The following VIPAS39 variants were observed in gnomAD, a reference collection of about 807,000 sequenced individuals.
VIPAS39 encodes spermatogenesis-defective protein 39 homolog.
A neutral mutation model predicts 84.7 loss-of-function variants in VIPAS39; 63 were observed. That is an observed-to-expected ratio of 0.74 (90% confidence interval 0.61 to 0.92). The LOEUF (loss-of-function observed/expected upper bound fraction) is 0.92, where lower values mean the gene tolerates loss of function less well. Ranked by LOEUF, VIPAS39 falls within the 40% of genes least tolerant of loss-of-function variation. VIPAS39 has a pLI of 0.00. For synonymous variants in VIPAS39, 192 were observed against 216.5 expected (o/e 0.89, Z 0.99); for missense variants, 499 against 604.5 (o/e 0.83, Z 1.83).
At position 77,448,493 on chromosome 14, in the gene VIPAS39, C is replaced by T. The variant is rs777704231; in HGVS notation, c.504+1G>A. 2 of 1,614,040 alleles carry T rather than the reference C, an allele frequency of 1.2e-6. No individual in the cohort carries two copies. Among genetic ancestry groups the T allele is most frequent in the Non-Finnish European group, 1.7e-6 (2 of 1,180,014 alleles). ...ACCTCACAAAAATTCTCTGTCCTTACCTTGCCCTTCCGGAGACGTCGCACT... is the reference window on the plus strand; with the variant it reads ...ACCTCACAAAAATTCTCTGTCCTTATCTTGCCCTTCCGGAGACGTCGCACT... On this transcript the variant is annotated splice_donor_variant, in intron 7 of 19. Coordinates refer to ENST00000557658, the MANE Select transcript of VIPAS39 (RefSeq NM_001193315.2). LOFTEE classifies it high-confidence loss of function.
chr14:77,439,208 A>G (rs8007235), intron 11 of VIPAS39, among the ~76,000 whole-genome samples: 3 of 152,198 alleles, frequency 2.0e-5, no homozygotes, highest in African/African-American at 4.8e-5. Context: ...ATGATAAATC[A>G]TCTTCAATTC....
At chr14:77,431,395 A>G (rs2078520359) in intron 16 of VIPAS39, among the ~76,000 whole-genome samples, 1 of 152,260 alleles carries the variant, frequency 6.6e-6, no homozygotes, top group Non-Finnish European at 1.5e-5. Context: ...CAAAGAAGAC[A>G]TGGAAATGGC....
chr14:77,430,941 G>A (rs749861552), intron 16 of VIPAS39, among the ~76,000 whole-genome samples: 3 of 152,132 alleles, frequency 2.0e-5, no homozygotes, highest in African/African-American at 4.8e-5. Flanking sequence ...ATGGGGAAAG[G>A]ATAGTCTCTT....
Position 77,451,239 on chromosome 14 carries a change from A to G in VIPAS39, c.291T>C (p.Tyr97=), listed in dbSNP as rs2078876535. Residue 97 remains tyrosine, a synonymous_variant, in exon 4 of 20, where the codon TAT becomes TAC. Coordinates refer to ENST00000557658, the MANE Select transcript of VIPAS39 (RefSeq NM_001193315.2). ...TAGAAGTAGGCTTGGGTAGTTGTGC[A>G]TAGGAGGAGAAGCTGTTTCGGCTCT... ...QLKSRNSFSS[Y]AQLPKPTSTY... is the part of the protein sequence containing the mutation. 6.2e-7 allele frequency: 1 copy of G among 1,614,112 alleles called. No individual in the cohort carries two copies. The highest frequency in any genetic ancestry group is 1.1e-5 in the South Asian group (1 of 91,094).
chr14:77,448,794 G>A (rs1264444522), intron 6 of VIPAS39, among the ~76,000 whole-genome samples: 1 of 152,160 alleles, frequency 6.6e-6, no homozygotes, highest in Non-Finnish European at 1.5e-5. Context: ...AAAGCCAGTA[G>A]CCCCATGCCT....
chr14:77,428,501 C>A (rs1372669212), intron 18 of VIPAS39, 27 bp from the exon 19 acceptor site: 1 of 1,605,910 alleles, frequency 6.2e-7, no homozygotes, highest in Admixed American at 1.7e-5. Flanking sequence ...ACAATACAAA[C>A]CTCCAATCAG....
chr14:77,433,075 T>C (rs1008985455), intron 16 of VIPAS39, among the ~76,000 whole-genome samples: 2 of 152,196 alleles, frequency 1.3e-5, no homozygotes, highest in East Asian at 3.8e-4. Context: ...AGGTCTTTGA[T>C]TGGATCCTGA....
intron 7 of VIPAS39, among the ~76,000 whole-genome samples, chr14:77,447,355 A>G (rs2078808710): frequency 6.8e-6 from 1 of 147,132 alleles, no homozygotes; most frequent in Admixed American, 6.7e-5. Context: ...TTTTTTTATC[A>G]TTTGTAGAGA....
Position 77,448,677 on chromosome 14 carries a change from G to GA in VIPAS39, c.448-128dup, listed in dbSNP as rs968149688. On this transcript the variant is annotated intron_variant, in intron 6 of 19. Transcript: ENST00000557658. Reference sequence around the variant, plus strand: ...ATAATTTGTGGGAGGGAATGGATGTGAAAAAAATGAAGAAATGGGACGGTT... The same window carrying GA: ...ATAATTTGTGGGAGGGAATGGATGTGAAAAAAAATGAAGAAATGGGACGGTT... 3.0e-5 allele frequency: 30 copies of GA among 995,052 alleles called. No homozygotes were observed. In the African/African-American group the frequency reaches 4.2e-4, roughly 14 times the overall value. The allele number at this position is 995,052 out of a possible 1,614,324, so 61.6% of individuals were successfully genotyped here.
intron 19 of VIPAS39, 95 bp from the exon 20 acceptor site, chr14:77,427,731 T>C (rs1472610334): frequency 7.9e-6 from 12 of 1,520,832 alleles, no homozygotes; most frequent in East Asian, 4.5e-5. Flanking sequence ...CTCAGCTAGA[T>C]AATGTAAGGA....
At chr14:77,435,739 A>T in intron 13 of VIPAS39, 105 bp downstream of exon 13, 3 of 1,284,572 alleles carry the variant, frequency 2.3e-6, no homozygotes, top group South Asian at 2.4e-5. Context: ...GGCTTTTAGA[A>T]ACCAGTAAGA....
At chr14:77,440,477 A>C (rs1007507101) in intron 11 of VIPAS39, 2 of 157,954 alleles carry the variant, frequency 1.3e-5, no homozygotes, top group African/African-American at 4.8e-5. Flanking sequence ...CAAAACCCCA[A>C]AACTCCTAAC....
In VIPAS39 at chr14:77,427,484, G is replaced by C; in HGVS notation, c.*132C>G. ...ATCAGTCTGAAGTTATCTGTGTCAAGAGTAGCTGGCACTGCCCATGGGTAA... is the reference window on the plus strand; with the variant it reads ...ATCAGTCTGAAGTTATCTGTGTCAACAGTAGCTGGCACTGCCCATGGGTAA... On this transcript the variant is annotated 3_prime_UTR_variant, in exon 20 of 20. Coordinates refer to ENST00000557658, the MANE Select transcript of VIPAS39 (RefSeq NM_001193315.2). 1 of 1,045,568 alleles carries C rather than the reference G, an allele frequency of 9.6e-7. No homozygotes were observed. Among genetic ancestry groups the C allele is most frequent in the Non-Finnish European group, 1.5e-6 (1 of 674,312 alleles). 64.8% of individuals were successfully genotyped at this position (1,045,568 alleles called of 1,614,324 possible). A position where few individuals can be genotyped will look rare whatever the true frequency, so the allele number is the denominator to read the frequency against.
At chr14:77,447,728 TC>T (rs2078815078) in intron 7 of VIPAS39, among the ~76,000 whole-genome samples, 1 of 152,210 alleles carries the variant, frequency 6.6e-6, no homozygotes, top group African/African-American at 2.4e-5. Flanking sequence ...TGGCACGATC[TC>T]AGCTCACTAC....
chr14:77,432,789 T>C (rs950107555), intron 16 of VIPAS39, among the ~76,000 whole-genome samples: 2 of 152,152 alleles, frequency 1.3e-5, no homozygotes, highest in African/African-American at 2.4e-5. Context: ...TTATGCAGGA[T>C]GAATAAATCT....
At chr14:77,440,875 C>A (rs980064539) in intron 11 of VIPAS39, among the ~76,000 whole-genome samples, 191 bp downstream of exon 11, 6 of 34,294 alleles carry the variant, frequency 1.7e-4, no homozygotes, top group Non-Finnish European at 5.2e-4. Context: ...CGTGCCACCA[C>A]ACCCAGCTAA....
intron 11 of VIPAS39, among the ~76,000 whole-genome samples, 187 bp downstream of exon 11, chr14:77,440,879 C>T (rs1033351901): frequency 8.0e-5 from 1 of 12,514 alleles, no homozygotes; most frequent in African/African-American, 8.7e-5. Flanking sequence ...CCACCACACC[C>T]AGCTAATTTT....
rs569004090 is a variant in VIPAS39, at chr14:77,441,232, G to C, written c.735-139C>G. 5 of 907,484 alleles carry C rather than the reference G, an allele frequency of 5.5e-6. No homozygotes were observed. In the East Asian group the frequency reaches 1.4e-4, roughly 26 times the overall value. The allele number at this position is 907,484 out of a possible 1,614,324, so 56.2% of individuals were successfully genotyped here. On this transcript the variant is annotated intron_variant, in intron 10 of 19. Coordinates refer to ENST00000557658, the MANE Select transcript of VIPAS39 (RefSeq NM_001193315.2). ...TATACACAAGATAAATGGTTGATCA[G>C]ATATCATTGTTCCCCTGGTCTCTCT... is the stretch of plus-strand genomic sequence containing the variant.
chr14:77,457,130 C>A, intron 1 of VIPAS39: 1 of 1,416,068 alleles, frequency 7.1e-7, no homozygotes, highest in Non-Finnish European at 9.2e-7. Context: ...ATCTTCCGAG[C>A]CAGGAAGATA....
Sources: allele counts gnomAD v4.1 joint callset (sites outside exome capture counted in the v4.1 genomes callset), GRCh38; gene constraint gnomAD v4.1.1; transcripts MANE v1.5; gene names NCBI Gene and HGNC (gene_info 2026-07-23, HGNC 2026-07-21).